Variants in STARD7 observed in about 807,000 individuals in gnomAD.
The protein encoded by STARD7 is stAR-related lipid transfer protein 7, mitochondrial.
Under a neutral mutation model 45.3 loss-of-function variants are expected in STARD7, and 30 were observed. The observed-to-expected ratio is 0.66, with a 90% CI of 0.50 to 0.90. The LOEUF (loss-of-function observed/expected upper bound fraction) is 0.90. STARD7 is among the 40% of genes least tolerant of loss of function. The probability of loss-of-function intolerance (pLI) is 0.00; values close to 1 mark genes in which losing one functional copy is unlikely to be tolerated. For synonymous variants in STARD7, 199 were observed against 183.0 expected, an observed-to-expected ratio of 1.09 and a Z score of -0.70; for missense variants, 495 against 491.3, an observed-to-expected ratio of 1.01 and a Z score of -0.07.
intron 1 of STARD7, among the ~76,000 whole-genome samples, chr2:96,197,787 G>C (rs1378484586): frequency 6.6e-6 from 1 of 152,112 alleles, no homozygotes; most frequent in African/African-American, 2.4e-5. Context: ...TGTCTCTATG[G>C]AGTTGCCAAT....
intron 6 of STARD7, 47 bp from the exon 7 acceptor site, chr2:96,187,348 A>C (rs1683053340): frequency 1.7e-6 from 2 of 1,174,328 alleles, no homozygotes; most frequent in African/African-American, 3.0e-5. Context: ...ATCACCAACC[A>C]CAACCTCCAT....
intron 1 of STARD7, among the ~76,000 whole-genome samples, chr2:96,206,567 G>A (rs931559042): frequency 2.0e-5 from 3 of 151,966 alleles, no homozygotes; most frequent in East Asian, 3.9e-4. Context: ...TTGGGAGGCC[G>A]AGGCGGGCGG....
At position 96,208,394 on chromosome 2, in the gene STARD7, GT is replaced by G; in HGVS notation, c.40del (p.Thr14ArgfsTer62). ...RRLLAAWLAG[T>X]RGGGLLALLA... ...AAGCGCCAGCAGGCCCCCGCCCCGC[GT>G]CCCCGCCAGCCAGGCGGCCAGCAGC... On this transcript the variant is annotated frameshift_variant, in exon 1 of 8. Transcript: ENST00000337288. LOFTEE classifies it high-confidence loss of function. The G allele has an allele frequency of 6.8e-7, 1 of 1,465,962 alleles. No homozygotes were observed. The highest frequency in any genetic ancestry group is 8.9e-7 in the Non-Finnish European group (1 of 1,118,246). 90.8% of individuals were successfully genotyped at this position (1,465,962 alleles called of 1,614,324 possible). A position where few individuals can be genotyped will look rare whatever the true frequency, so the allele number is the denominator to read the frequency against.
At position 96,195,376 on chromosome 2, in the gene STARD7, C is replaced by T. The variant is rs561682205; in HGVS notation, c.464G>A (p.Arg155His). The T allele has an allele frequency of 8.2e-6, 13 of 1,589,788 alleles. No individual in the cohort carries two copies. The highest frequency in any genetic ancestry group is 4.6e-5 in the South Asian group (4 of 87,306). The change falls in exon 2 of 8, where the codon CGC (arginine) becomes CAC (histidine). Residue 155 changes from arginine (R) to histidine (H), a missense_variant. Coordinates refer to ENST00000337288, the MANE Select transcript of STARD7 (RefSeq NM_020151.4). The part of the protein sequence containing the change: ...MDKKHFKLWR[R>H]PITGTHLYQY... ...GTAAAGGTGGGTGCCTGTAATTGGG[C>T]GCCGCCACAGCTTAAAGTGTTTCTT...
At chr2:96,194,185 C>A (rs1683168510) in intron 3 of STARD7, among the ~76,000 whole-genome samples, 3 of 152,052 alleles carry the variant, frequency 2.0e-5, no homozygotes, top group Admixed American at 1.3e-4. Flanking sequence ...CATAGGGAGA[C>A]CCTGTCTCTA....
intron 1 of STARD7, among the ~76,000 whole-genome samples, chr2:96,198,413 G>C (rs775959576): frequency 1.3e-5 from 2 of 152,044 alleles, no homozygotes; most frequent in African/African-American, 2.4e-5. Context: ...CCTAGGAGCA[G>C]ATTTGATGGA....
Position 96,208,537 on chromosome 2 carries a change from A to C in STARD7, c.-103T>G. The C allele has an allele frequency of 4.6e-5, 48 of 1,033,576 alleles. No homozygotes were observed. Among genetic ancestry groups the C allele is most frequent in the Non-Finnish European group, 5.7e-5 (44 of 775,138 alleles). The allele number at this position is 1,033,576 out of a possible 1,614,324, so 64.0% of individuals were successfully genotyped here. A position where few individuals can be genotyped will look rare whatever the true frequency, so the allele number is the denominator to read the frequency against. On this transcript the variant is annotated 5_prime_UTR_variant, in exon 1 of 8. Coordinates refer to ENST00000337288, the MANE Select transcript of STARD7 (RefSeq NM_020151.4). ...CGTCCCCCTAAATGGCCGGCCACGA[A>C]CCCGTCTCACGGTCCCGCGGCCAGG...
rs76039608 is a variant in STARD7 at position 96,195,656 on chromosome 2, T to C, written c.291-107A>G. ...AGGTTATACAGTAAACCACAGTATG[T>C]AGTATATAAACAGGACACAGTATAG... On this transcript the variant is annotated intron_variant, in intron 1 of 7. Transcript: ENST00000337288. 1.6e-3 allele frequency: 1,281 copies of C among 779,588 alleles called. 23 individuals carry two copies. In the East Asian group the frequency reaches 0.032, roughly 19 times the overall value. 48.3% of individuals were successfully genotyped at this position (779,588 alleles called of 1,614,324 possible).
chr2:96,191,084 G>A (rs889891577), intron 6 of STARD7, among the ~76,000 whole-genome samples: 6 of 152,198 alleles, frequency 3.9e-5, no homozygotes, highest in African/African-American at 1.4e-4. Flanking sequence ...AGGATCACCT[G>A]AGCCCAGGAA....
rs141100184 is a variant in STARD7 at position 96,193,558 on chromosome 2, T to C, written c.550-206A>G. On this transcript the variant is annotated intron_variant, in intron 3 of 7. Coordinates refer to ENST00000337288, the MANE Select transcript of STARD7 (RefSeq NM_020151.4). ...AATCACCTTATACAGGCTAATGTCA[T>C]TACACTGAATGTGAATCTTCATTAG... is the stretch of plus-strand genomic sequence containing the variant. Among the ~76,000 whole-genome samples, 1,073 of 152,318 alleles carry C rather than the reference T, an allele frequency of 7.0e-3. 13 individuals carry two copies. Among genetic ancestry groups the C allele is most frequent in the African/African-American group, 0.024 (998 of 41,556 alleles).
chr2:96,194,569 A>G (rs1440704949), intron 3 of STARD7, among the ~76,000 whole-genome samples: 1 of 152,232 alleles, frequency 6.6e-6, no homozygotes, highest in African/African-American at 2.4e-5. Flanking sequence ...TGGTATCATG[A>G]TTAGTTAAGA....
chr2:96,191,360 T>C (rs1321433038), intron 6 of STARD7, among the ~76,000 whole-genome samples: 1 of 152,216 alleles, frequency 6.6e-6, no homozygotes, highest in Non-Finnish European at 1.5e-5. Context: ...GGGTTCATTA[T>C]ACTCTTCTAC....
At chr2:96,205,535 A>G (rs1683375162) in intron 1 of STARD7, among the ~76,000 whole-genome samples, 1 of 152,244 alleles carries the variant, frequency 6.6e-6, no homozygotes, top group East Asian at 1.9e-4. Context: ...ATTAACAATG[A>G]AAGAAATGCA....
intron 1 of STARD7, among the ~76,000 whole-genome samples, chr2:96,196,214 C>T (rs1286177542): frequency 1.3e-5 from 2 of 152,072 alleles, no homozygotes; most frequent in Admixed American, 1.3e-4. Context: ...CCTGTAGTCC[C>T]AGCACTTTGG....
At chr2:96,192,522 A>G in intron 5 of STARD7, 54 bp from the exon 6 acceptor site, 2 of 1,378,512 alleles carry the variant, frequency 1.5e-6, no homozygotes, top group Non-Finnish European at 2.1e-6. Context: ...ATATAAAACA[A>G]CAGGAGAGCT....
rs760650619 is a variant in STARD7, at chr2:96,208,326, G to C, written c.109C>G (p.Arg37Gly). The change falls in exon 1 of 8, where the codon CGC becomes GGC. Residue 37 changes from arginine to glycine, a missense_variant. Coordinates refer to ENST00000337288, the MANE Select transcript of STARD7 (RefSeq NM_020151.4). ...CRFVTGLRVR[R>G]AQQIAQLYGR... ...TAGAGCTGCGCGATCTGCTGCGCGC[G>C]CCGCACGCGCAGGCCCGTGACGAAG... 1.2e-6 allele frequency: 2 copies of C among 1,604,034 alleles called. No individual in the cohort carries two copies. The highest frequency in any genetic ancestry group is 1.7e-5 in the Admixed American group (1 of 59,452).
Position 96,197,066 on chromosome 2 carries a change from CAAAATAAAATAAAATAAAAT to C in STARD7, c.291-1537_291-1518del, listed in dbSNP as rs369471334. On this transcript the variant is annotated intron_variant, in intron 1 of 7. Transcript: ENST00000337288. ...GGGCAACAAGAGCGAAACTCCGTCT[CAAAATAAAATAAAATAAAAT>C]AAAATAAAATAAAATAAAATAAAAT... is the stretch of plus-strand genomic sequence containing the variant. Among the ~76,000 whole-genome samples, 53 of 89,766 alleles carry C rather than the reference CAAAATAAAATAAAATAAAAT, an allele frequency of 5.9e-4. 2 individuals are homozygous for C. Among genetic ancestry groups the C allele is most frequent in the African/African-American group, 1.3e-3 (35 of 26,042 alleles). 58.9% of individuals were successfully genotyped at this position (89,766 alleles called of 152,430 possible). A position where few individuals can be genotyped will look rare whatever the true frequency, so the allele number is the denominator to read the frequency against.
At chr2:96,187,452 C>T in intron 6 of STARD7, 151 bp from the exon 7 acceptor site, 1 of 582,478 alleles carries the variant, frequency 1.7e-6, no homozygotes, top group Non-Finnish European at 3.1e-6. Context: ...CACTGAAGGC[C>T]TGAGAGACTA....
intron 6 of STARD7, 169 bp from the exon 7 acceptor site, chr2:96,187,470 T>C (rs1683054799): frequency 3.7e-6 from 2 of 543,810 alleles, no homozygotes; most frequent in Non-Finnish European, 6.6e-6. Context: ...CTACTATCTA[T>C]AGAAAGGTCT....
Sources: allele counts gnomAD v4.1 joint callset (sites outside exome capture counted in the v4.1 genomes callset), GRCh38; gene constraint gnomAD v4.1.1; transcripts MANE v1.5; gene names NCBI Gene and HGNC (gene_info 2026-07-23, HGNC 2026-07-21).